The following ATRNL1 variants were observed in gnomAD, a reference collection of about 807,000 sequenced individuals.
ATRNL1 encodes attractin-like protein 1.
ATRNL1 carries 95 observed loss-of-function variants against 182.7 expected under a neutral mutation model. That is an observed-to-expected ratio of 0.52 (90% confidence interval 0.44 to 0.62). The LOEUF is 0.62. Ranked by LOEUF, ATRNL1 falls within the 20% of genes least tolerant of loss-of-function variation. The probability of loss-of-function intolerance (pLI) is 0.00; values close to 1 mark genes in which losing one functional copy is unlikely to be tolerated. For synonymous variants in ATRNL1, 576 were observed against 568.3 expected, an observed-to-expected ratio of 1.01 and a Z score of -0.19; for missense variants, 1,471 against 1,679.5, an observed-to-expected ratio of 0.88 and a Z score of 2.17.
chr10:115,829,108 A>G (rs1486321521), intron 27 of ATRNL1, among the ~76,000 whole-genome samples: 2 of 152,064 alleles, frequency 1.3e-5, no homozygotes, highest in East Asian at 1.9e-4. Context: ...ACCAAAAGCC[A>G]TAAGTGAAGA....
At chr10:115,844,571 C>T (rs982067192) in intron 27 of ATRNL1, among the ~76,000 whole-genome samples, 15 of 151,918 alleles carry the variant, frequency 9.9e-5, no homozygotes, top group Non-Finnish European at 1.5e-4. Flanking sequence ...AGAATTTTTG[C>T]CCCTAAAACA....
rs553577497 is a variant in ATRNL1 at position 115,688,020 on chromosome 10, C to G, written c.3796-39228C>G. Among the ~76,000 whole-genome samples, 5 of 152,132 alleles carry G rather than the reference C, an allele frequency of 3.3e-5. No individual in the cohort carries two copies. The East Asian group carries it at 9.7e-4, about 29-fold the overall frequency. On this transcript the variant is annotated intron_variant, in intron 26 of 28. Coordinates refer to ENST00000355044, the MANE Select transcript of ATRNL1 (RefSeq NM_207303.4). ...GGTATCTATGGTTCTATTCTCTATA[C>G]CCATGAAATCAAGTCTTTTATCTTC... is the stretch of plus-strand genomic sequence containing the variant.
At chr10:115,874,486 A>T (rs1018655289) in intron 28 of ATRNL1, among the ~76,000 whole-genome samples, 9 of 150,180 alleles carry the variant, frequency 6.0e-5, no homozygotes, top group African/African-American at 1.9e-4. Flanking sequence ...AAGCACTATC[A>T]GAGAAAGAAA....
chr10:115,923,020 C>T (rs1298190616), intron 28 of ATRNL1, among the ~76,000 whole-genome samples: 2 of 152,116 alleles, frequency 1.3e-5, no homozygotes, highest in African/African-American at 4.8e-5. Context: ...CATGAATCAA[C>T]GTAATGTATG....
At chr10:115,432,489 A>G (rs1846218871) in intron 21 of ATRNL1, among the ~76,000 whole-genome samples, 2 of 152,202 alleles carry the variant, frequency 1.3e-5, no homozygotes, top group Admixed American at 1.3e-4. Context: ...AACTCTTGTA[A>G]TAATGTTAAT....
At chr10:115,645,447 G>GATTTATATATCTATATAATAT (rs1244461319) in intron 26 of ATRNL1, among the ~76,000 whole-genome samples, 1 of 146,332 alleles carries the variant, frequency 6.8e-6, no homozygotes, top group African/African-American at 2.5e-5. Context: ...ATATAATATA[G>GATTTATATATCTATATAATAT]ATTTATATAT....
chr10:115,613,218 C>T (rs1193409106), intron 26 of ATRNL1, among the ~76,000 whole-genome samples: 3 of 152,176 alleles, frequency 2.0e-5, no homozygotes, highest in South Asian at 2.1e-4. Flanking sequence ...CTTGCTGTTG[C>T]AGATGTTAGA....
chr10:115,250,991 C>T (rs1383056136), intron 10 of ATRNL1, among the ~76,000 whole-genome samples: 1 of 152,140 alleles, frequency 6.6e-6, no homozygotes, highest in Non-Finnish European at 1.5e-5. Flanking sequence ...ACTAGTTTCC[C>T]CTCCATGTGA....
chr10:115,143,340 C>T (rs550281996), intron 5 of ATRNL1, among the ~76,000 whole-genome samples: 7 of 152,118 alleles, frequency 4.6e-5, no homozygotes, highest in South Asian at 2.1e-4. Context: ...ACAAATCCTG[C>T]TCTCAATATA....
chr10:115,426,951 C>G (rs911218354), intron 21 of ATRNL1, among the ~76,000 whole-genome samples: 1 of 152,144 alleles, frequency 6.6e-6, no homozygotes, highest in Non-Finnish European at 1.5e-5. Context: ...TCTTGAACTC[C>G]TGACCTCATG....
At chr10:115,441,038 C>G (rs1383615719) in intron 21 of ATRNL1, among the ~76,000 whole-genome samples, 1 of 151,754 alleles carries the variant, frequency 6.6e-6, no homozygotes, top group Non-Finnish European at 1.5e-5. Context: ...TGCACCTATA[C>G]TTATTTTCTC....
chr10:115,338,962 C>T (rs937826497), intron 19 of ATRNL1, among the ~76,000 whole-genome samples: 2 of 152,142 alleles, frequency 1.3e-5, no homozygotes, highest in African/African-American at 4.8e-5. Context: ...TTCCCAGCAC[C>T]ATTTATTGAA....
intron 24 of ATRNL1, among the ~76,000 whole-genome samples, chr10:115,490,570 A>T (rs981447517): frequency 6.6e-6 from 1 of 152,102 alleles, no homozygotes; most frequent in African/African-American, 2.4e-5. Context: ...TTTCAGCTCC[A>T]TCAGGTCATT....
intron 5 of ATRNL1, among the ~76,000 whole-genome samples, chr10:115,143,983 C>G (rs1350783081): frequency 7.2e-6 from 1 of 139,558 alleles, no homozygotes; most frequent in South Asian, 2.3e-4. Flanking sequence ...TTTTTTGTTT[C>G]TTTTTTTTTT....
chr10:115,604,937 T>C (rs1452928396), intron 26 of ATRNL1, among the ~76,000 whole-genome samples: 1 of 152,160 alleles, frequency 6.6e-6, no homozygotes, highest in Non-Finnish European at 1.5e-5. Context: ...ACTTGAAATA[T>C]ATGTTACCAA....
chr10:115,756,034 G>C (rs573307160), intron 27 of ATRNL1, among the ~76,000 whole-genome samples: 18 of 151,212 alleles, frequency 1.2e-4, no homozygotes, highest in Non-Finnish European at 1.9e-4. Context: ...ATTTTTTATT[G>C]TGTCTATTTG....
intron 18 of ATRNL1, among the ~76,000 whole-genome samples, chr10:115,330,373 T>A (rs1554934666): frequency 2.6e-5 from 4 of 152,164 alleles, no homozygotes; most frequent in Non-Finnish European, 5.9e-5. Flanking sequence ...ACCTGTCAGT[T>A]TTATAGTTTT....
rs143404767 is a variant in ATRNL1, at chr10:115,571,624, G to A, written c.3795+22088G>A. ...GTGTAATTTTGTTATGTATTATTTT[G>A]CTATAACTATTTTGCTAAATAGATT... On this transcript the variant is annotated intron_variant, in intron 26 of 28. Transcript: ENST00000355044. 7.9e-3 allele frequency among the ~76,000 whole-genome samples: 1,197 copies of A among 152,092 alleles called. 14 individuals are homozygous for A. Among genetic ancestry groups the A allele is most frequent in the Non-Finnish European group, 0.011 (780 of 67,966 alleles).
rs4751922 is a variant in ATRNL1, at chr10:115,661,803, A to T, written c.3796-65445A>T. Among the ~76,000 whole-genome samples, 280 of 152,020 alleles carry T rather than the reference A, an allele frequency of 1.8e-3. 2 individuals carry two copies. Among genetic ancestry groups the T allele is most frequent in the Admixed American group, 0.012 (186 of 15,280 alleles). Reference sequence around the variant, plus strand: ...TTTTTTATTATACTTTAAGTTTTAGAGTACATGTGCACAACGTGCAGGTTA... The same window carrying T: ...TTTTTTATTATACTTTAAGTTTTAGTGTACATGTGCACAACGTGCAGGTTA... On this transcript the variant is annotated intron_variant, in intron 26 of 28. Coordinates refer to ENST00000355044, the MANE Select transcript of ATRNL1 (RefSeq NM_207303.4).
Sources: gnomAD v4.1 joint callset for allele counts (sites outside exome capture counted in the v4.1 genomes callset) on GRCh38, gnomAD v4.1.1 for gene constraint, MANE v1.5 for transcripts, NCBI Gene and HGNC (gene_info 2026-07-23, HGNC 2026-07-21) for gene names.